WWC1: variants seen among roughly 807,000 people sequenced by gnomAD.
WWC1 encodes protein KIBRA.
WWC1 carries 55 observed loss-of-function variants against 138.4 expected under a neutral mutation model. That is an observed-to-expected ratio of 0.40 (90% CI 0.32 to 0.50). WWC1 has a LOEUF of 0.50. Ranked by LOEUF, WWC1 falls within the 20% of genes least tolerant of loss-of-function variation. The pLI is 0.72. For missense variants in WWC1, 1,226 were observed against 1,420.4 expected (o/e 0.86, Z 2.20); for synonymous variants, 524 against 564.9 (o/e 0.93, Z 1.03).
intron 1 of WWC1, among the ~76,000 whole-genome samples, chr5:168,295,897 T>C (rs2152735931): frequency 6.6e-6 from 1 of 152,226 alleles, no homozygotes; most frequent in South Asian, 2.1e-4. Flanking sequence ...GAGGGTCCAG[T>C]GGGCAGCTTG....
At chr5:168,375,783 C>T (rs979235377) in intron 2 of WWC1, among the ~76,000 whole-genome samples, 2 of 152,086 alleles carry the variant, frequency 1.3e-5, no homozygotes, top group Non-Finnish European at 2.9e-5. Flanking sequence ...CCTTGTTGGC[C>T]AGGCTGGTCT....
Position 168,465,142 on chromosome 5 carries a change from G to T in WWC1, c.3150+180G>T, listed in dbSNP as rs143471181. The stretch of plus-strand genomic sequence containing the variant: ...AGGAGAGGGATCCAGGAATCCCTTT[G>T]CACACTCAACTTTATGAACCTTTCA... On this transcript the variant is annotated intron_variant, in intron 21 of 22. Transcript: ENST00000265293. Among the ~76,000 whole-genome samples the T allele has an allele frequency of 5.9e-5, 9 of 152,316 alleles. No individual in the cohort carries two copies. In the East Asian group the frequency reaches 1.7e-3, roughly 29 times the overall value.
intron 9 of WWC1, among the ~76,000 whole-genome samples, chr5:168,418,880 C>T (rs1780868239): frequency 6.6e-6 from 1 of 152,132 alleles, no homozygotes; most frequent in Admixed American, 6.5e-5. Context: ...ATTACGGGTT[C>T]CATCTGCCAA....
intron 19 of WWC1, among the ~76,000 whole-genome samples, chr5:168,458,648 A>C (rs1756537943): frequency 6.6e-6 from 1 of 152,178 alleles, no homozygotes; most frequent in Admixed American, 6.5e-5. Context: ...AGCCCATCCT[A>C]AATTCTCATT....
At chr5:168,327,989 ATT>A (rs2152764099) in intron 1 of WWC1, among the ~76,000 whole-genome samples, 1 of 152,314 alleles carries the variant, frequency 6.6e-6, no homozygotes, top group South Asian at 2.1e-4. Context: ...TGTGCAACCC[ATT>A]GAAACGCTGC....
intron 1 of WWC1, among the ~76,000 whole-genome samples, chr5:168,339,801 T>C (rs1033363771): frequency 1.5e-5 from 2 of 130,664 alleles, no homozygotes; most frequent in African/African-American, 6.5e-5. Flanking sequence ...TACCATTCTT[T>C]TTGTTTTTCT....
intron 1 of WWC1, among the ~76,000 whole-genome samples, chr5:168,367,360 C>G (rs923524862): frequency 2.0e-5 from 3 of 152,036 alleles, no homozygotes; most frequent in Admixed American, 6.6e-5. Context: ...GAGACGGAGT[C>G]TTGCTCTGTC....
rs1288845832 is a variant in WWC1 at position 168,292,826 on chromosome 5, A to G, written c.119+555A>G. Among the ~76,000 whole-genome samples, 2 of 152,088 alleles carry G rather than the reference A, an allele frequency of 1.3e-5. No homozygotes were observed. Among genetic ancestry groups the G allele is most frequent in the East Asian group, 3.9e-4 (2 of 5,154 alleles). On this transcript the variant is annotated intron_variant, in intron 1 of 22. Coordinates refer to ENST00000265293, the MANE Select transcript of WWC1 (RefSeq NM_015238.3). This position sits in a 1 kb window ranked among gnomAD's most constrained non-coding sequence, Gnocchi z 4.4. ...ACAGGTGCCTTGGAAGCTGCTGAGA[A>G]CAGCACAGGGGCAGCCAGGGGGCCC... is the stretch of plus-strand genomic sequence containing the variant.
At chr5:168,369,895 A>ATTTTTTT (rs35999257) in intron 1 of WWC1, among the ~76,000 whole-genome samples, 11 of 89,008 alleles carry the variant, frequency 1.2e-4, no homozygotes, top group African/African-American at 2.9e-4. Flanking sequence ...TCATTGTGCA[A>ATTTTTTT]TTTTTTTTTT....
intron 1 of WWC1, among the ~76,000 whole-genome samples, chr5:168,352,298 T>G (rs1425119204): frequency 6.6e-6 from 1 of 152,232 alleles, no homozygotes; most frequent in African/African-American, 2.4e-5. Flanking sequence ...CTTTGGCAAA[T>G]ATTTCCTTTG....
intron 21 of WWC1, among the ~76,000 whole-genome samples, chr5:168,465,548 C>CTTTTTTTTTTTT (rs10527141): frequency 0.03 from 1,415 of 46,948 alleles, 679 homozygotes; most frequent in Middle Eastern, 0.042. Context: ...ATCAGCTGGG[C>CTTTTTTTTTTTT]TTTTTTTTTT....
chr5:168,347,758 GGTCA>G (rs1488253510), intron 1 of WWC1, among the ~76,000 whole-genome samples: 2 of 152,004 alleles, frequency 1.3e-5, no homozygotes, highest in East Asian at 3.9e-4. Flanking sequence ...TGTCGAGCAA[GGTCA>G]GTCCAAAAAA....
chr5:168,455,564 GAGAGCTT>G lies in WWC1; in HGVS notation c.2823+45_2823+51del, dbSNP rs762359996. On this transcript the variant is annotated intron_variant, in intron 19 of 22. Transcript: ENST00000265293. ...CTCTTCTGCTCCCCTCAGGGTAGCC[GAGAGCTT>G]CACACAGGGCTGGGTGCAAATCCCA... 10 of 1,592,632 alleles carry G rather than the reference GAGAGCTT, an allele frequency of 6.3e-6. No individual in the cohort carries two copies. The South Asian group carries it at 1.2e-4, about 18-fold the overall frequency.
chr5:168,299,128 G>A (rs917861687), intron 1 of WWC1, among the ~76,000 whole-genome samples: 1 of 152,210 alleles, frequency 6.6e-6, no homozygotes, highest in African/African-American at 2.4e-5. Flanking sequence ...ACCAACAGGT[G>A]TTGCATCCAG....
intron 1 of WWC1, among the ~76,000 whole-genome samples, chr5:168,361,838 T>C (rs530727826): frequency 1.3e-5 from 2 of 152,218 alleles, no homozygotes; most frequent in Non-Finnish European, 2.9e-5. Context: ...TCCCAGCACT[T>C]TGGGAGGCTG....
chr5:168,338,811 CAG>C (rs1773728947), intron 1 of WWC1, among the ~76,000 whole-genome samples: 1 of 152,096 alleles, frequency 6.6e-6, no homozygotes, highest in Non-Finnish European at 1.5e-5. Context: ...AAAAGTAGAA[CAG>C]GGGATTCTAA....
intron 1 of WWC1, among the ~76,000 whole-genome samples, chr5:168,324,502 G>A (rs998641636): frequency 6.6e-6 from 1 of 152,088 alleles, no homozygotes; most frequent in Non-Finnish European, 1.5e-5. Context: ...ATCTACGTGA[G>A]AAATTAAAAG....
chr5:168,380,418 A>C (rs1421735144), intron 2 of WWC1, among the ~76,000 whole-genome samples: 2 of 152,134 alleles, frequency 1.3e-5, no homozygotes, highest in Non-Finnish European at 2.9e-5. Flanking sequence ...ACCAGCCTGG[A>C]CAGCATAGTG....
chr5:168,316,369 C>T (rs1246256859), intron 1 of WWC1, among the ~76,000 whole-genome samples: 2 of 152,186 alleles, frequency 1.3e-5, no homozygotes, highest in African/African-American at 4.8e-5. Context: ...AAGCTGAGCA[C>T]CAGAAACCTG....
Sources: gnomAD v4.1 joint callset for allele counts (sites outside exome capture counted in the v4.1 genomes callset) on GRCh38, gnomAD v4.1.1 for gene constraint, Gnocchi (gnomAD v3.1) non-coding constraint, MANE v1.5 for transcripts, NCBI Gene and HGNC (gene_info 2026-07-23, HGNC 2026-07-21) for gene names.